The following TNS4 variants were observed in gnomAD, a reference collection of about 807,000 sequenced individuals.
TNS4 encodes the protein tensin-4.
TNS4 carries 46 observed loss-of-function variants against 70.4 expected under a neutral mutation model. The ratio of observed to expected loss-of-function variants is 0.65; its 90% CI spans 0.52 to 0.84. The LOEUF (loss-of-function observed/expected upper bound fraction) is 0.84. Among genes scored for constraint, TNS4 ranks in the 40% least tolerant of loss-of-function variants. The pLI is 0.00. For synonymous variants in TNS4, 390 were observed against 366.6 expected, an observed-to-expected ratio of 1.06 and a Z score of -0.73; for missense variants, 863 against 907.0, an observed-to-expected ratio of 0.95 and a Z score of 0.62.
Position 40,488,946 on chromosome 17 carries a change from A to AG in TNS4, c.462dup (p.Ser155LeufsTer45). The AG allele has an allele frequency of 6.3e-7, 1 of 1,590,784 alleles. No individual in the cohort carries two copies. Among genetic ancestry groups the AG allele is most frequent in the Non-Finnish European group, 8.5e-7 (1 of 1,170,900 alleles). The stretch of plus-strand genomic sequence containing the variant: ...CCATCGTGGCACCTTGATCTGGCGG[A>AG]GGTCACCTCGATGTACTTTATGTCT... On this transcript the variant is annotated frameshift_variant, in exon 3 of 13. Coordinates refer to ENST00000254051, the MANE Select transcript of TNS4 (RefSeq NM_032865.6). LOFTEE classifies it high-confidence loss of function.
At chr17:40,500,907 A>G (rs1482267582) in intron 1 of TNS4, among the ~76,000 whole-genome samples, 1 of 149,338 alleles carries the variant, frequency 6.7e-6, no homozygotes, top group African/African-American at 2.5e-5. Context: ...TGAAGTGCCC[A>G]GAGGGCTCCC....
At chr17:40,484,671 CG>C in intron 5 of TNS4, 62 bp from the exon 6 acceptor site, 1 of 1,598,872 alleles carries the variant, frequency 6.3e-7, no homozygotes, top group Non-Finnish European at 8.5e-7. Flanking sequence ...TCCCCAGCCC[CG>C]TAGGGTCTTC....
intron 3 of TNS4, 36 bp downstream of exon 3, chr17:40,488,510 G>A (rs766208993): frequency 3.4e-6 from 5 of 1,482,974 alleles, no homozygotes; most frequent in Non-Finnish European, 4.5e-6. Flanking sequence ...GTGTGCCTGT[G>A]TGTGTGTGTG....
intron 6 of TNS4, among the ~76,000 whole-genome samples, chr17:40,483,714 C>T (rs550286761): frequency 1.3e-5 from 2 of 152,304 alleles, no homozygotes; most frequent in South Asian, 2.1e-4. Context: ...ACACCCTCCC[C>T]AGAGGTCACT....
intron 1 of TNS4, among the ~76,000 whole-genome samples, chr17:40,501,058 C>T (rs1056419632): frequency 1.3e-5 from 2 of 152,222 alleles, no homozygotes; most frequent in African/African-American, 4.8e-5. Flanking sequence ...TGCTGAACTC[C>T]GCGGTCTGTG....
Position 40,496,578 on chromosome 17 carries a change from C to T in TNS4, c.-95-58G>A, listed in dbSNP as rs1013068679. 5 of 753,926 alleles carry T rather than the reference C, an allele frequency of 6.6e-6. No individual in the cohort carries two copies. The South Asian group carries it at 7.7e-5, about 12-fold the overall frequency. 46.7% of individuals were successfully genotyped at this position (753,926 alleles called of 1,614,324 possible). A position where few individuals can be genotyped will look rare whatever the true frequency, so the allele number is the denominator to read the frequency against. ...TTCTGTAGGTGAAGCCCCTGCCTCC[C>T]ACCCTCCGTACAAAGGCTAAGTTAT... is the stretch of plus-strand genomic sequence containing the variant. On this transcript the variant is annotated intron_variant, in intron 1 of 12. Transcript: ENST00000254051.
intron 1 of TNS4, among the ~76,000 whole-genome samples, chr17:40,499,509 G>T (rs975266998): frequency 1.3e-5 from 2 of 152,252 alleles, no homozygotes; most frequent in African/African-American, 4.8e-5. Context: ...TAGAGAGGGG[G>T]CATGATTGGC....
In TNS4 at chr17:40,496,348, C is replaced by T; in HGVS notation, c.78G>A (p.Arg26=). 6.2e-7 allele frequency: 1 copy of T among 1,613,544 alleles called. No homozygotes were observed. Among genetic ancestry groups the T allele is most frequent in the Admixed American group, 1.7e-5 (1 of 60,022 alleles). ...TGGGGCTGGGTGCTGGGTGCAGGGT[C>T]CTCCTGGGCTCATCACAAGGCGCCA... ...VSLAPCDEPR[R]TLHPAPSPSL... is the part of the protein sequence containing the mutation. Residue 26 remains arginine (R), a synonymous_variant, in exon 2 of 13, where the codon AGG becomes AGA. Coordinates refer to ENST00000254051, the MANE Select transcript of TNS4 (RefSeq NM_032865.6).
rs17472276 is a variant in TNS4 at position 40,478,353 on chromosome 17, T to C, written c.1980-20A>G. On this transcript the variant is annotated intron_variant, in intron 11 of 12. Transcript: ENST00000254051. Reference sequence around the variant, plus strand: ...TGCCACCTGTAGGAAAAGAACATGATACCGAGTAATGAGGCTTCGCTCCAT... The same window carrying C: ...TGCCACCTGTAGGAAAAGAACATGACACCGAGTAATGAGGCTTCGCTCCAT... 0.067 allele frequency: 108,057 copies of C among 1,608,978 alleles called. 4,256 individuals are homozygous for C. Among genetic ancestry groups the C allele is most frequent in the South Asian group, 0.11 (9,892 of 90,464 alleles).
At chr17:40,478,064 G>C (rs2035872120) in intron 12 of TNS4, 3 of 616,018 alleles carry the variant, frequency 4.9e-6, no homozygotes, top group Middle Eastern at 4.3e-4. Context: ...ATAGCTTGAG[G>C]CTCCCTGAAG....
chr17:40,488,490 G>T, intron 3 of TNS4, 56 bp downstream of exon 3: 1 of 1,424,756 alleles, frequency 7.0e-7, no homozygotes, highest in Non-Finnish European at 9.3e-7. Context: ...TTTAGGGGGT[G>T]CATGCGTGCG....
Position 40,477,524 on chromosome 17 carries a change from G to A in TNS4, c.*64C>T, listed in dbSNP as rs2035863354. The A allele has an allele frequency of 1.3e-6, 2 of 1,594,050 alleles. No homozygotes were observed. The highest frequency in any genetic ancestry group is 4.5e-5 in the East Asian group (2 of 44,744). On this transcript the variant is annotated 3_prime_UTR_variant, in exon 13 of 13. Coordinates refer to ENST00000254051, the MANE Select transcript of TNS4 (RefSeq NM_032865.6). Reference sequence around the variant, plus strand: ...GGCCACAAGCCACACCCATTCAGGGGGTGGAGGGGGGCTCCTTAGCGAGCC... The same window carrying A: ...GGCCACAAGCCACACCCATTCAGGGAGTGGAGGGGGGCTCCTTAGCGAGCC...
chr17:40,477,543 G>T lies in TNS4; in HGVS notation c.*45C>A, dbSNP rs771835214. 3 of 1,606,278 alleles carry T rather than the reference G, an allele frequency of 1.9e-6. No individual in the cohort carries two copies. Among genetic ancestry groups the T allele is most frequent in the African/African-American group, 1.3e-5 (1 of 74,794 alleles). ...TCAGGGGGTGGAGGGGGGCTCCTTA[G>T]CGAGCCCCTGGAGGTGTTGGTTAGG... On this transcript the variant is annotated 3_prime_UTR_variant, in exon 13 of 13. Coordinates refer to ENST00000254051, the MANE Select transcript of TNS4 (RefSeq NM_032865.6).
intron 3 of TNS4, 107 bp downstream of exon 3, chr17:40,488,439 C>T: frequency 8.9e-7 from 1 of 1,118,430 alleles, no homozygotes; most frequent in Non-Finnish European, 1.2e-6. Flanking sequence ...TTGGTGCATG[C>T]CCAGATTTTG....
At chr17:40,478,372 G>T (rs747091952) in intron 11 of TNS4, 39 bp from the exon 12 acceptor site, 3 of 1,605,756 alleles carry the variant, frequency 1.9e-6, no homozygotes. Flanking sequence ...ATGAGGCTTC[G>T]CTCCATGCCA....
In TNS4 at chr17:40,477,651, G is replaced by A; in HGVS notation, c.2085C>T (p.Val695=). ...VCHLFAEYDM[V]QPASQVIGLV... The stretch of plus-strand genomic sequence containing the variant: ...GGCCGATGACCTGCGAGGCTGGCTG[G>A]ACCATGTCATACTCCGCAAAGAGGT... The change falls in exon 13 of 13, where the codon GTC becomes GTT. Residue 695 remains valine, a synonymous_variant. Transcript: ENST00000254051. The A allele has an allele frequency of 6.2e-7, 1 of 1,614,130 alleles. No homozygotes were observed. The highest frequency in any genetic ancestry group is 8.5e-7 in the Non-Finnish European group (1 of 1,180,030).
In TNS4 at chr17:40,493,000, GA is replaced by G. The variant is rs113724483; in HGVS notation, c.439+2986del. Among the ~76,000 whole-genome samples the G allele has an allele frequency of 2.2e-3, 334 of 148,480 alleles. 2 individuals carry two copies. Among genetic ancestry groups the G allele is most frequent in the African/African-American group, 5.7e-3 (231 of 40,534 alleles). ...AGGCAAGACTCCATCACCCACCAAAGAAAAAAAAAATAAGAAATTAGCCGGG... is the reference window on the plus strand; with the variant it reads ...AGGCAAGACTCCATCACCCACCAAAGAAAAAAAAATAAGAAATTAGCCGGG... On this transcript the variant is annotated intron_variant, in intron 2 of 12. Transcript: ENST00000254051.
chr17:40,479,942 C>A (rs1253701955), intron 9 of TNS4, 100 bp from the exon 10 acceptor site: 5 of 1,396,002 alleles, frequency 3.6e-6, no homozygotes, highest in Non-Finnish European at 4.7e-6. Flanking sequence ...TTCAGGAATC[C>A]AGTGGAGCTC....
chr17:40,488,909 C>G lies in TNS4; in HGVS notation c.500G>C (p.Cys167Ser). ...GGGCGGGGTGACAGAGGGGCTGGAG[C>G]AGTGCTGGGGGCCATCGTGGCACCT... ...RSRCHDGPQH[C>S]SSPSVTPPFG... Residue 167 changes from cysteine (C) to serine (S), a missense_variant, in exon 3 of 13, where the codon TGC (cysteine) becomes TCC (serine). By Grantham distance (112) the Cys-to-Ser change is moderately radical. Coordinates refer to ENST00000254051, the MANE Select transcript of TNS4 (RefSeq NM_032865.6). The G allele has an allele frequency of 6.2e-7, 1 of 1,611,374 alleles. No individual in the cohort carries two copies. The highest frequency in any genetic ancestry group is 8.5e-7 in the Non-Finnish European group (1 of 1,179,216).
Sources: gnomAD v4.1 joint callset for allele counts (sites outside exome capture counted in the v4.1 genomes callset) on GRCh38, gnomAD v4.1.1 for gene constraint, MANE v1.5 for transcripts, NCBI Gene and HGNC (gene_info 2026-07-23, HGNC 2026-07-21) for gene names.